Variants in FUT9 observed in about 807,000 individuals in gnomAD.
FUT9 encodes fucosyltransferase 9, also known as 4-galactosyl-N-acetylglucosaminide 3-alpha-L-fucosyltransferase 9.
FUT9 carries 15 observed loss-of-function variants against 29.7 expected under a neutral mutation model. The ratio of observed to expected loss-of-function variants is 0.51; its 90% confidence interval spans 0.34 to 0.78. The LOEUF (loss-of-function observed/expected upper bound fraction) is 0.78, where lower values mean the gene tolerates loss of function less well. Ranked by LOEUF, FUT9 falls within the 30% of genes least tolerant of loss-of-function variation. The pLI is 0.01. For synonymous variants in FUT9, 169 were observed against 153.7 expected (o/e 1.10, Z -0.74); for missense variants, 319 against 425.4 (o/e 0.75, Z 2.20).
At chr6:96,089,395 A>G (rs1231205955) in intron 1 of FUT9, among the ~76,000 whole-genome samples, 1 of 152,160 alleles carries the variant, frequency 6.6e-6, no homozygotes. Context: ...GCTGCAGCCT[A>G]AAATCTCCAA....
intron 1 of FUT9, among the ~76,000 whole-genome samples, chr6:96,068,202 G>T (rs1441786305): frequency 6.6e-6 from 1 of 152,032 alleles, no homozygotes; most frequent in Non-Finnish European, 1.5e-5. Flanking sequence ...AATCAACCAT[G>T]TACAGGTCAT....
intron 1 of FUT9, among the ~76,000 whole-genome samples, chr6:96,112,773 A>AT (rs538997569): frequency 3.9e-5 from 6 of 152,268 alleles, no homozygotes; most frequent in Admixed American, 3.3e-4. Context: ...GCAAAAATGC[A>AT]TTTTTTTGAC....
At chr6:96,022,586 A>G (rs943233834) in intron 1 of FUT9, among the ~76,000 whole-genome samples, 3 of 152,066 alleles carry the variant, frequency 2.0e-5, no homozygotes, top group Admixed American at 6.6e-5. Flanking sequence ...CAGAGAGTTA[A>G]ATTTAAGGCA....
chr6:96,092,767 A>G (rs1407783844), intron 1 of FUT9, among the ~76,000 whole-genome samples: 2 of 151,994 alleles, frequency 1.3e-5, no homozygotes, highest in East Asian at 1.9e-4. Context: ...ATTTCATACC[A>G]TTCTTTCCCT....
In FUT9 at chr6:96,206,903, T is replaced by C. The variant is rs911221055; in HGVS notation, c.*2668T>C. The C allele has an allele frequency of 6.0e-6, 1 of 167,076 alleles. No individual in the cohort carries two copies. Among genetic ancestry groups the C allele is most frequent in the Non-Finnish European group, 1.5e-5 (1 of 68,130 alleles). The allele number at this position is 167,076 out of a possible 1,614,324, so 10.3% of individuals were successfully genotyped here. On this transcript the variant is annotated 3_prime_UTR_variant, in exon 3 of 3. Coordinates refer to ENST00000302103, the MANE Select transcript of FUT9 (RefSeq NM_006581.4). ...CAGTGTCTCTATTGTTGACTACAAA[T>C]GTAGGCTCTTTGTTGGACTATGACT...
rs1285398656 is a variant in FUT9, at chr6:96,210,596, T to C, written c.*6361T>C. 6.0e-6 allele frequency: 1 copy of C among 166,850 alleles called. No homozygotes were observed. The highest frequency in any genetic ancestry group is 1.5e-5 in the Non-Finnish European group (1 of 68,022). The allele number at this position is 166,850 out of a possible 1,614,324, so 10.3% of individuals were successfully genotyped here. On this transcript the variant is annotated 3_prime_UTR_variant, in exon 3 of 3. Transcript: ENST00000302103. ...ACTATTAGGAAAATAAAAGATTATA[T>C]ATCTTGAAAAAAATCTCTAATTTGC...
chr6:96,107,250 A>G (rs1771707644), intron 1 of FUT9, among the ~76,000 whole-genome samples: 1 of 152,236 alleles, frequency 6.6e-6, no homozygotes, highest in African/African-American at 2.4e-5. Flanking sequence ...CCAGCATAAG[A>G]CAACCATAAA....
At chr6:96,129,032 C>T (rs1345037420) in intron 2 of FUT9, among the ~76,000 whole-genome samples, 3 of 149,650 alleles carry the variant, frequency 2.0e-5, no homozygotes, top group African/African-American at 7.4e-5. Flanking sequence ...CCGAGGCGGG[C>T]GGATCACAAG....
intron 1 of FUT9, chr6:96,037,145 T>G (rs537252800): frequency 2.6e-5 from 4 of 152,096 alleles, no homozygotes; most frequent in African/African-American, 9.6e-5. Flanking sequence ...GTATGGGCAT[T>G]TTTTTATTTT....
chr6:96,162,061 T>C (rs963453660), intron 2 of FUT9, among the ~76,000 whole-genome samples: 3 of 152,198 alleles, frequency 2.0e-5, no homozygotes, highest in Non-Finnish European at 4.4e-5. Context: ...CACTTTCATT[T>C]TTCTGCTTAA....
intron 1 of FUT9, among the ~76,000 whole-genome samples, chr6:96,080,123 A>C (rs187534873): frequency 1.2e-4 from 19 of 152,126 alleles, no homozygotes; most frequent in African/African-American, 4.6e-4. Context: ...ATCATGATGA[A>C]TAAAATATTC....
intron 1 of FUT9, among the ~76,000 whole-genome samples, chr6:96,071,520 T>TA (rs1188778487): frequency 5.9e-4 from 90 of 152,288 alleles, no homozygotes; most frequent in Admixed American, 5.9e-3. Context: ...ATTCTGGAAG[T>TA]AAAAAAATTG....
At chr6:96,061,729 C>T (rs1342960692) in intron 1 of FUT9, among the ~76,000 whole-genome samples, 1 of 152,148 alleles carries the variant, frequency 6.6e-6, no homozygotes, top group Non-Finnish European at 1.5e-5. Context: ...TGGTGTCTAG[C>T]TACTTTTCAT....
intron 1 of FUT9, among the ~76,000 whole-genome samples, chr6:96,030,041 G>A (rs998808038): frequency 2.0e-5 from 3 of 151,456 alleles, no homozygotes; most frequent in African/African-American, 7.3e-5. Context: ...CACAACTATG[G>A]GTTTTTCTGA....
intron 1 of FUT9, among the ~76,000 whole-genome samples, chr6:96,025,967 CA>C (rs1410328411): frequency 6.6e-6 from 1 of 151,600 alleles, no homozygotes; most frequent in African/African-American, 2.4e-5. Flanking sequence ...TTCCACAAGG[CA>C]ACATGAAGTA....
At position 96,204,034 on chromosome 6, in the gene FUT9, C is replaced by G; in HGVS notation, c.879C>G (p.Asn293Lys). 2 of 1,596,542 alleles carry G rather than the reference C, an allele frequency of 1.3e-6. No individual in the cohort carries two copies. Among genetic ancestry groups the G allele is most frequent in the South Asian group, 2.2e-5 (2 of 89,110 alleles). ...ADSFIHVEDY[N>K]SPSELAKYLK... Reference sequence around the variant, plus strand: ...CATTCATTCATGTGGAAGATTATAACTCTCCCAGTGAGCTAGCAAAGTATC... The same window carrying G: ...CATTCATTCATGTGGAAGATTATAAGTCTCCCAGTGAGCTAGCAAAGTATC... Residue 293 changes from asparagine (N) to lysine (K), a missense_variant, in exon 3 of 3, where the codon AAC becomes AAG. Coordinates refer to ENST00000302103, the MANE Select transcript of FUT9 (RefSeq NM_006581.4).
At chr6:96,103,188 G>C (rs188394894) in intron 1 of FUT9, among the ~76,000 whole-genome samples, 2 of 152,274 alleles carry the variant, frequency 1.3e-5, no homozygotes, top group Non-Finnish European at 2.9e-5. Context: ...ATGATTTTAA[G>C]TTCAGTCAGG....
At chr6:96,081,599 G>T (rs1212138138) in intron 1 of FUT9, among the ~76,000 whole-genome samples, 1 of 151,684 alleles carries the variant, frequency 6.6e-6, no homozygotes, top group Admixed American at 6.6e-5. Context: ...ATGTTTCATT[G>T]TTGTCCTTCT....
intron 2 of FUT9, among the ~76,000 whole-genome samples, chr6:96,198,706 A>G (rs1311207745): frequency 1.3e-5 from 2 of 152,146 alleles, no homozygotes; most frequent in African/African-American, 4.8e-5. Context: ...GACTTCCACA[A>G]TGGTTGAACT....
Sources: allele counts gnomAD v4.1 joint callset (sites outside exome capture counted in the v4.1 genomes callset), GRCh38; gene constraint gnomAD v4.1.1; transcripts MANE v1.5; gene names NCBI Gene and HGNC (gene_info 2026-07-23, HGNC 2026-07-21).